The following RIPOR2 variants were observed in gnomAD, a reference collection of about 807,000 sequenced individuals.
RIPOR2 encodes the protein rho family-interacting cell polarization regulator 2.
RIPOR2 carries 39 observed loss-of-function variants against 114.5 expected under a neutral mutation model. The ratio of observed to expected loss-of-function variants is 0.34; its 90% CI spans 0.26 to 0.44. The LOEUF (loss-of-function observed/expected upper bound fraction) is 0.44. RIPOR2 is among the 20% of genes least tolerant of loss of function. The pLI is 1.00. For missense variants in RIPOR2, 1,007 were observed against 1,255.1 expected (o/e 0.80, Z 2.99); for synonymous variants, 445 against 484.4 (o/e 0.92, Z 1.07).
At chr6:24,809,641 G>A in intron 21 of RIPOR2, 76 bp downstream of exon 21, 3 of 994,308 alleles carry the variant, frequency 3.0e-6, no homozygotes, top group Non-Finnish European at 4.6e-6. Context: ...ACTGGAGAAG[G>A]GAACATCTAA....
chr6:24,959,313 T>C (rs146008066), intron 1 of RIPOR2, among the ~76,000 whole-genome samples: 43 of 152,330 alleles, frequency 2.8e-4, no homozygotes, highest in African/African-American at 1.0e-3. Flanking sequence ...TCATAACTGG[T>C]AGCCTTGGAG....
At chr6:24,888,521 A>G (rs192727241) in intron 1 of RIPOR2, among the ~76,000 whole-genome samples, 5 of 152,338 alleles carry the variant, frequency 3.3e-5, no homozygotes, top group African/African-American at 1.2e-4. Context: ...CTAAACAGAA[A>G]AAGCCACTAG....
Position 24,843,492 on chromosome 6 carries a change from C to T in RIPOR2, c.1227G>A (p.Ser409=), listed in dbSNP as rs767825925. The T allele has an allele frequency of 1.9e-5, 30 of 1,565,516 alleles. No individual in the cohort carries two copies. The highest frequency in any genetic ancestry group is 5.6e-5 in the Admixed American group (3 of 53,600). The change falls in exon 13 of 22, where the codon TCG becomes TCA. Residue 409 remains serine (S), a synonymous_variant. Transcript: ENST00000643898. ...GKAAEEKMPL[S]LSFSDLPNGD... ...CGTTGGGCAGGTCACTGAAGCTGAGCGACAGTGGCATTTTCTCCTCGGCTG... is the reference window on the plus strand; with the variant it reads ...CGTTGGGCAGGTCACTGAAGCTGAGTGACAGTGGCATTTTCTCCTCGGCTG...
intron 1 of RIPOR2, among the ~76,000 whole-genome samples, chr6:24,987,816 A>G (rs1263581667): frequency 6.6e-6 from 1 of 152,244 alleles, no homozygotes; most frequent in African/African-American, 2.4e-5. Flanking sequence ...TGTTCATAAT[A>G]TTATCTCTAA....
rs577230885 is a variant in RIPOR2, at chr6:24,943,348, G to A, written c.77-67531C>T. ...ACACACTGGGGCCTGTTGTGGGGTA[G>A]GGGGAGCAGGGAGGGATAGCATTAG... On this transcript the variant is annotated intron_variant, in intron 1 of 13. Transcript: ENST00000510784. Among the ~76,000 whole-genome samples, 6 of 152,234 alleles carry A rather than the reference G, an allele frequency of 3.9e-5. No homozygotes were observed. In the South Asian group the frequency reaches 1.2e-3, roughly 32 times the overall value.
At chr6:24,897,863 C>G (rs1202327465) in intron 1 of RIPOR2, among the ~76,000 whole-genome samples, 1 of 151,992 alleles carries the variant, frequency 6.6e-6, no homozygotes, top group East Asian at 2.0e-4. Flanking sequence ...ACCTCCAAGG[C>G]TCAAGGGATT....
chr6:24,894,296 A>G (rs1005490284), intron 1 of RIPOR2, among the ~76,000 whole-genome samples: 3 of 152,332 alleles, frequency 2.0e-5, no homozygotes, highest in African/African-American at 7.2e-5. Flanking sequence ...GACAGTGATT[A>G]TTATTCCTGT....
intron 1 of RIPOR2, among the ~76,000 whole-genome samples, chr6:24,998,980 A>G (rs1439604158): frequency 6.6e-6 from 1 of 152,142 alleles, no homozygotes; most frequent in African/African-American, 2.4e-5. Context: ...CTTTTGCCTC[A>G]GGCTCCAGGG....
At chr6:24,828,451 G>A (rs1449301292) in intron 17 of RIPOR2, among the ~76,000 whole-genome samples, 156 bp from the exon 18 acceptor site, 2 of 152,138 alleles carry the variant, frequency 1.3e-5, no homozygotes, top group Non-Finnish European at 2.9e-5. Context: ...CAGTCCTCCT[G>A]CCTCAGTTTC....
chr6:25,012,211 A>G (rs1775801858), intron 1 of RIPOR2, among the ~76,000 whole-genome samples: 1 of 152,208 alleles, frequency 6.6e-6, no homozygotes, highest in South Asian at 2.1e-4. Context: ...ACTAAAAAAG[A>G]TAGATAATAT....
At chr6:24,955,216 A>G (rs1408284886) in intron 1 of RIPOR2, among the ~76,000 whole-genome samples, 1 of 152,238 alleles carries the variant, frequency 6.6e-6, no homozygotes, top group African/African-American at 2.4e-5. Context: ...AAAGCAAGTA[A>G]GATTTAAAAA....
At chr6:25,004,152 T>C (rs899273912) in intron 1 of RIPOR2, among the ~76,000 whole-genome samples, 6 of 151,984 alleles carry the variant, frequency 3.9e-5, no homozygotes, top group Admixed American at 3.9e-4. Flanking sequence ...TCTGAATACC[T>C]CAAAAAAGCA....
chr6:24,954,473 T>TTTTTTTTA (rs1772938259), intron 1 of RIPOR2, among the ~76,000 whole-genome samples: 9 of 149,966 alleles, frequency 6.0e-5, no homozygotes, highest in Admixed American at 1.3e-4. Context: ...TTTTTTTTTT[T>TTTTTTTTA]GAGACAGGGT....
intron 1 of RIPOR2, among the ~76,000 whole-genome samples, chr6:24,980,098 A>G (rs980014442): frequency 6.6e-6 from 1 of 152,228 alleles, no homozygotes; most frequent in Non-Finnish European, 1.5e-5. Flanking sequence ...CTCATCTTAG[A>G]TAGGCTCCTC....
At chr6:25,012,952 G>T (rs1775831867) in intron 1 of RIPOR2, among the ~76,000 whole-genome samples, 2 of 151,756 alleles carry the variant, frequency 1.3e-5, no homozygotes, top group Non-Finnish European at 2.9e-5. Flanking sequence ...ATACGGAGGG[G>T]ATGGGGGGCC....
chr6:24,874,191 T>C (rs1393813331), intron 2 of RIPOR2, among the ~76,000 whole-genome samples: 1 of 152,114 alleles, frequency 6.6e-6, no homozygotes, highest in Non-Finnish European at 1.5e-5. Context: ...CCACCACACC[T>C]GGCTAATTTT....
intron 1 of RIPOR2, among the ~76,000 whole-genome samples, chr6:24,987,746 AT>A (rs776003108): frequency 6.6e-6 from 1 of 152,240 alleles, no homozygotes; most frequent in Non-Finnish European, 1.5e-5. Context: ...AGTCATTTAC[AT>A]ATGGCATATA....
chr6:24,993,739 T>G (rs1024487536), intron 1 of RIPOR2, among the ~76,000 whole-genome samples: 1 of 152,272 alleles, frequency 6.6e-6, no homozygotes, highest in African/African-American at 2.4e-5. Flanking sequence ...TGTTTGCTTG[T>G]TGTAAATAAA....
intron 7 of RIPOR2, among the ~76,000 whole-genome samples, chr6:24,864,554 C>G (rs1436742238): frequency 1.3e-5 from 2 of 152,160 alleles, no homozygotes; most frequent in African/African-American, 2.4e-5. Context: ...CTGATGACTT[C>G]ATTCATGAAA....
Sources: allele counts gnomAD v4.1 joint callset (sites outside exome capture counted in the v4.1 genomes callset), GRCh38; gene constraint gnomAD v4.1.1; transcripts MANE v1.5; gene names NCBI Gene and HGNC (gene_info 2026-07-23, HGNC 2026-07-21).